EYA4: variants seen among roughly 807,000 people sequenced by gnomAD.
EYA4 encodes protein phosphatase EYA4.
EYA4 carries 31 observed loss-of-function variants against 87.9 expected under a neutral mutation model. That is an observed-to-expected ratio of 0.35 (90% CI 0.27 to 0.48). The LOEUF is 0.48. EYA4 is among the 20% of genes least tolerant of loss of function. The probability of loss-of-function intolerance (pLI) is 0.99; values close to 1 mark genes in which losing one functional copy is unlikely to be tolerated. For synonymous variants in EYA4, 263 were observed against 270.6 expected, an observed-to-expected ratio of 0.97 and a Z score of 0.28; for missense variants, 678 against 761.4, an observed-to-expected ratio of 0.89 and a Z score of 1.29.
chr6:133,516,566 A>C (rs902192477), intron 17 of EYA4, among the ~76,000 whole-genome samples: 6 of 151,528 alleles, frequency 4.0e-5, no homozygotes, highest in Non-Finnish European at 8.8e-5. Context: ...CAAAAAAAAA[A>C]AAACAAAATT....
chr6:133,329,745 A>G (rs1234310565), intron 2 of EYA4, among the ~76,000 whole-genome samples: 1 of 152,140 alleles, frequency 6.6e-6, no homozygotes, highest in Non-Finnish European at 1.5e-5. Context: ...ACCTGGGTCT[A>G]ACATACTTGA....
chr6:133,278,157 G>T (rs1304909573), intron 2 of EYA4, among the ~76,000 whole-genome samples: 2 of 151,924 alleles, frequency 1.3e-5, no homozygotes, highest in African/African-American at 2.4e-5. Context: ...GTTCTCTGAG[G>T]TCTCTATGCA....
At chr6:133,311,592 T>G (rs115911663) in intron 2 of EYA4, among the ~76,000 whole-genome samples, 2 of 152,136 alleles carry the variant, frequency 1.3e-5, no homozygotes, top group African/African-American at 2.4e-5. Context: ...ATGCTGAGAT[T>G]ACAGGTCTGA....
At chr6:133,437,330 A>G (rs1364254673) in intron 3 of EYA4, among the ~76,000 whole-genome samples, 3 of 152,174 alleles carry the variant, frequency 2.0e-5, no homozygotes, top group Admixed American at 1.3e-4. Flanking sequence ...CATGGTGTGA[A>G]TAAAATAAAG....
chr6:133,452,830 T>C (rs771839076), intron 5 of EYA4: 29 of 152,134 alleles, frequency 1.9e-4, no homozygotes, highest in African/African-American at 3.4e-4. Flanking sequence ...AGTAATTTTA[T>C]GCCACTTTTA....
intron 13 of EYA4, among the ~76,000 whole-genome samples, chr6:133,486,239 T>A (rs1213201784): frequency 6.6e-6 from 1 of 152,230 alleles, no homozygotes; most frequent in Non-Finnish European, 1.5e-5. Flanking sequence ...AAAGTTGTTT[T>A]ATCATTGACA....
In EYA4 at chr6:133,363,712, T is replaced by C. The variant is rs182113101; in HGVS notation, c.34-18680T>C. Among the ~76,000 whole-genome samples, 426 of 152,240 alleles carry C rather than the reference T, an allele frequency of 2.8e-3. 1 individual carries two copies. The highest frequency in any genetic ancestry group is 9.6e-3 in the African/African-American group (398 of 41,554). On this transcript the variant is annotated intron_variant, in intron 2 of 19. Transcript: ENST00000355286. ...GGATGGTCTGGATCTTCTGACCTCATGATCCGCCCGCCTTGGCCTCCCAAA... is the reference window on the plus strand; with the variant it reads ...GGATGGTCTGGATCTTCTGACCTCACGATCCGCCCGCCTTGGCCTCCCAAA...
At chr6:133,356,907 A>AT in intron 2 of EYA4, among the ~76,000 whole-genome samples, 2 of 151,482 alleles carry the variant, frequency 1.3e-5, no homozygotes, top group Non-Finnish European at 2.9e-5. Flanking sequence ...GGTTCAAGTG[A>AT]TTCTTTTTGG....
chr6:133,442,287 T>A (rs888129179), intron 3 of EYA4, among the ~76,000 whole-genome samples: 1 of 152,156 alleles, frequency 6.6e-6, no homozygotes, highest in African/African-American at 2.4e-5. Flanking sequence ...TGTGTTTTAT[T>A]TCCCCAAAAA....
At chr6:133,244,286 T>C (rs1774225305) in intron 1 of EYA4, among the ~76,000 whole-genome samples, 1 of 152,198 alleles carries the variant, frequency 6.6e-6, no homozygotes, top group Non-Finnish European at 1.5e-5. Flanking sequence ...TCAGTTGTTT[T>C]CTTTTTATTA....
At chr6:133,378,166 G>A (rs1169432977) in intron 2 of EYA4, among the ~76,000 whole-genome samples, 1 of 152,074 alleles carries the variant, frequency 6.6e-6, no homozygotes, top group Non-Finnish European at 1.5e-5. Context: ...AGAAAGGAAA[G>A]TAAACTAATG....
chr6:133,522,049 G>A (rs1463549144), intron 17 of EYA4, among the ~76,000 whole-genome samples: 2 of 142,474 alleles, frequency 1.4e-5, no homozygotes, highest in African/African-American at 2.6e-5. Flanking sequence ...GCACCAGCAT[G>A]GCACATGTAT....
intron 2 of EYA4, among the ~76,000 whole-genome samples, chr6:133,319,436 G>A (rs1031714993): frequency 1.3e-5 from 2 of 150,714 alleles, no homozygotes; most frequent in Non-Finnish European, 2.9e-5. Context: ...GTATTTTGAG[G>A]TCATGCCACT....
intron 2 of EYA4, among the ~76,000 whole-genome samples, chr6:133,299,999 A>G (rs1286698869): frequency 6.6e-6 from 1 of 151,206 alleles, no homozygotes; most frequent in Non-Finnish European, 1.5e-5. Flanking sequence ...CCCAACTACT[A>G]ATAGCCTACT....
At chr6:133,315,232 G>A (rs1780534707) in intron 2 of EYA4, among the ~76,000 whole-genome samples, 1 of 152,124 alleles carries the variant, frequency 6.6e-6, no homozygotes, top group Non-Finnish European at 1.5e-5. Flanking sequence ...GGAGGCTGCA[G>A]ATATTATTCA....
intron 3 of EYA4, among the ~76,000 whole-genome samples, chr6:133,397,703 A>G (rs1441703105): frequency 1.3e-5 from 2 of 152,174 alleles, no homozygotes; most frequent in Admixed American, 1.3e-4. Context: ...AGACTGGGCA[A>G]TTTACAAAAT....
At chr6:133,450,869 T>C (rs1010068678) in intron 5 of EYA4, among the ~76,000 whole-genome samples, 29 of 152,370 alleles carry the variant, frequency 1.9e-4, no homozygotes, top group African/African-American at 7.0e-4. Flanking sequence ...TCCTACTACA[T>C]TGGTGCTCTT....
chr6:133,525,210 G>A lies in EYA4; in HGVS notation c.1795G>A (p.Val599Ile), dbSNP rs1197096901. 1 of 1,613,758 alleles carries A rather than the reference G, an allele frequency of 6.2e-7. No homozygotes were observed. Among genetic ancestry groups the A allele is most frequent in the Non-Finnish European group, 8.5e-7 (1 of 1,179,776 alleles). ...MQRFGRKVVYVVIGDGVEEEQ... is the reference protein window; with the variant it reads ...MQRFGRKVVYIVIGDGVEEEQ... ...AAGGTTTGGCAGAAAAGTAGTGTAT[G>A]TTGTAATTGGGGATGGTGTAGAAGA... The change falls in exon 19 of 20, where the codon GTT (valine) becomes ATT (isoleucine). Residue 599 changes from valine (V) to isoleucine (I), a missense_variant. Coordinates refer to ENST00000355286, the MANE Select transcript of EYA4 (RefSeq NM_004100.5).
chr6:133,457,257 C>A (rs1340175364), intron 6 of EYA4, among the ~76,000 whole-genome samples: 1 of 152,140 alleles, frequency 6.6e-6, no homozygotes, highest in South Asian at 2.1e-4. Flanking sequence ...TACCTGATAA[C>A]TCCCAGCTGG....
Sources: gnomAD v4.1 joint callset for allele counts (sites outside exome capture counted in the v4.1 genomes callset) on GRCh38, gnomAD v4.1.1 for gene constraint, MANE v1.5 for transcripts, NCBI Gene and HGNC (gene_info 2026-07-23, HGNC 2026-07-21) for gene names.